The following INSL6 variants were observed in gnomAD, a reference collection of about 807,000 sequenced individuals.
INSL6 encodes the protein insulin-like peptide INSL6.
INSL6 carries 16 observed loss-of-function variants against 9.4 expected under a neutral mutation model. That is an observed-to-expected ratio of 1.70 (90% CI 1.15 to 2.59). The LOEUF is 2.59. INSL6 is among the 30% of genes most tolerant of loss of function. The pLI is 0.00. For missense variants in INSL6, 391 were observed against 257.3 expected, an observed-to-expected ratio of 1.52 and a Z score of -3.56; for synonymous variants, 154 against 96.9, an observed-to-expected ratio of 1.59 and a Z score of -3.46.
chr9:5,143,701 C>G (rs151279294), intron 2 of INSL6, among the ~76,000 whole-genome samples: 2 of 151,432 alleles, frequency 1.3e-5, no homozygotes, highest in African/African-American at 4.9e-5. Context: ...ACTCTGTTGC[C>G]CAGGCTGGAG....
At chr9:5,064,544 AAAAG>A in the INSL6 span, among the ~76,000 whole-genome samples, 1 of 152,112 alleles carries the variant, frequency 6.6e-6, no homozygotes, top group Non-Finnish European at 1.5e-5. Context: ...AAAAAAAGAA[AAAAG>A]GAAATGCTCA....
At chr9:5,017,625 A>G in the INSL6 span, among the ~76,000 whole-genome samples, 1 of 152,148 alleles carries the variant, frequency 6.6e-6, no homozygotes, top group South Asian at 2.1e-4. Context: ...ATTGCTATAA[A>G]CTTCCCTCTT....
chr9:5,055,076 A>AT, the INSL6 span, among the ~76,000 whole-genome samples: 66 of 152,014 alleles, frequency 4.3e-4, no homozygotes, highest in African/African-American at 1.5e-3. Flanking sequence ...TTTTCATTTA[A>AT]TTTTTTATGA....
chr9:5,004,911 A>G, the INSL6 span, among the ~76,000 whole-genome samples: 5 of 145,826 alleles, frequency 3.4e-5, no homozygotes, highest in Admixed American at 1.4e-4. Flanking sequence ...GGCCATTTAC[A>G]TATTGTCTTT....
downstream of INSL6, among the ~76,000 whole-genome samples, chr9:5,123,336 T>TTA (rs900606617): frequency 1.2e-4 from 18 of 152,092 alleles, no homozygotes; most frequent in African/African-American, 4.1e-4. Context: ...AAGTCTCTAT[T>TTA]GTCTATCATT....
downstream of INSL6, among the ~76,000 whole-genome samples, chr9:5,163,532 T>G (rs577757304): frequency 9.8e-5 from 15 of 152,300 alleles, no homozygotes; most frequent in African/African-American, 2.6e-4. Flanking sequence ...TGGGTCGACA[T>G]CTTGGAGTAA....
At chr9:5,044,765 G>C in the INSL6 span, among the ~76,000 whole-genome samples, 1 of 151,964 alleles carries the variant, frequency 6.6e-6, no homozygotes, top group Middle Eastern at 3.2e-3. Context: ...TCTTTTTTAG[G>C]ACTTTAGATC....
the INSL6 span, among the ~76,000 whole-genome samples, chr9:5,032,774 G>C: frequency 6.6e-6 from 1 of 152,306 alleles, no homozygotes; most frequent in East Asian, 1.9e-4. Flanking sequence ...ACAAAAGGTA[G>C]ATAAAACCAC....
the INSL6 span, among the ~76,000 whole-genome samples, chr9:5,005,965 C>T: frequency 6.6e-6 from 1 of 152,062 alleles, no homozygotes; most frequent in Non-Finnish European, 1.5e-5. Flanking sequence ...TAGGATTGAC[C>T]TGGCGATGCA....
At chr9:5,068,559 C>T in the INSL6 span, among the ~76,000 whole-genome samples, 7 of 152,050 alleles carry the variant, frequency 4.6e-5, no homozygotes, top group South Asian at 1.4e-3. Context: ...AGAAAGATAG[C>T]ATGAAGAATT....
At chr9:5,024,425 G>C in the INSL6 span, among the ~76,000 whole-genome samples, 1 of 152,010 alleles carries the variant, frequency 6.6e-6, no homozygotes, top group Non-Finnish European at 1.5e-5. Flanking sequence ...CTGTGTTGGG[G>C]CTCTCATTCA....
At chr9:5,148,345 G>A (rs1325975407) in intron 2 of INSL6, among the ~76,000 whole-genome samples, 1 of 152,120 alleles carries the variant, frequency 6.6e-6, no homozygotes, top group Admixed American at 6.6e-5. Context: ...TGGTGCTTGA[G>A]AGCAGTAGGT....
At chr9:5,037,403 C>T in the INSL6 span, among the ~76,000 whole-genome samples, 8 of 152,190 alleles carry the variant, frequency 5.3e-5, no homozygotes, top group Non-Finnish European at 5.9e-5. Flanking sequence ...AAGACACATG[C>T]ACACGTATGT....
chr9:5,170,571 G>A (rs1428941472), intron 1 of INSL6, among the ~76,000 whole-genome samples: 1 of 146,792 alleles, frequency 6.8e-6, no homozygotes, highest in South Asian at 2.2e-4. Context: ...TTTTTTTTTG[G>A]AAAAACTAAT....
Position 5,138,439 on chromosome 9 carries a change from A to G in INSL6, c.377-4847T>C, listed in dbSNP as rs1283274195. Among the ~76,000 whole-genome samples the G allele has an allele frequency of 2.6e-5, 4 of 152,196 alleles. No individual in the cohort carries two copies. The East Asian group carries it at 7.7e-4, about 29-fold the overall frequency. ...GAGTTCACGCCCTTTGCAGGGACACAGATGAAGCTAGAAACCATCATTCTC... is the reference window on the plus strand; with the variant it reads ...GAGTTCACGCCCTTTGCAGGGACACGGATGAAGCTAGAAACCATCATTCTC... On this transcript the variant is annotated intron_variant, in intron 2 of 3. Coordinates refer to the INSL6 transcript ENST00000649639.
At chr9:5,113,091 C>T in the INSL6 span, among the ~76,000 whole-genome samples, 56 of 151,996 alleles carry the variant, frequency 3.7e-4, no homozygotes, top group Non-Finnish European at 5.4e-4. Context: ...TCACTGCCCT[C>T]GCTCCCCCTG....
chr9:5,031,262 T>G, the INSL6 span, among the ~76,000 whole-genome samples: 2 of 152,314 alleles, frequency 1.3e-5, no homozygotes, highest in Admixed American at 6.5e-5. Flanking sequence ...AAAGAAGACT[T>G]ACCTGGCAAT....
At chr9:5,111,362 C>G in the INSL6 span, 102 of 407,316 alleles carry the variant, frequency 2.5e-4, 1 homozygote, top group South Asian at 1.9e-3. Flanking sequence ...GGTACTACCC[C>G]TCCTACGCCA....
At chr9:5,110,446 A>C in the INSL6 span, 1 of 152,506 alleles carries the variant, frequency 6.6e-6, no homozygotes, top group African/African-American at 2.4e-5. Context: ...GCATTCCTTC[A>C]CATGTGCACC....
Sources: allele counts gnomAD v4.1 joint callset (sites outside exome capture counted in the v4.1 genomes callset), GRCh38; gene constraint gnomAD v4.1.1; transcripts MANE v1.5; gene names NCBI Gene and HGNC (gene_info 2026-07-23, HGNC 2026-07-21).